PTPN20: variants seen among roughly 807,000 people sequenced by gnomAD.
PTPN20 encodes the protein protein tyrosine phosphatase non-receptor type 20.
Under a neutral mutation model 35.0 loss-of-function variants are expected in PTPN20, and 9 were observed. The ratio of observed to expected loss-of-function variants is 0.26; its 90% CI spans 0.15 to 0.45. PTPN20 has a LOEUF of 0.45. PTPN20 is among the 20% of genes least tolerant of loss of function. The pLI, the probability that PTPN20 is intolerant of heterozygous loss-of-function variation, is 1.00. For missense variants in PTPN20, 111 were observed against 312.5 expected, an observed-to-expected ratio of 0.36 and a Z score of 4.86; for synonymous variants, 32 against 100.2, an observed-to-expected ratio of 0.32 and a Z score of 4.06.
chr10:46,939,434 G>A (rs1367774240), intron 2 of PTPN20, among the ~76,000 whole-genome samples: 241 of 127,500 alleles, frequency 1.9e-3, no homozygotes, highest in Middle Eastern at 3.7e-3. Flanking sequence ...GCCGAGAAGC[G>A]ATCCTTTTTC....
At chr10:46,933,427 CTG>C (rs1487116604) in intron 2 of PTPN20, among the ~76,000 whole-genome samples, 1 of 151,390 alleles carries the variant, frequency 6.6e-6, no homozygotes, top group African/African-American at 2.5e-5. Flanking sequence ...TCTTGTGTAA[CTG>C]TTACTTGATA....
At chr10:46,950,779 T>C (rs2046401529) in intron 5 of PTPN20, among the ~76,000 whole-genome samples, 2 of 152,060 alleles carry the variant, frequency 1.3e-5, no homozygotes. Flanking sequence ...ATAGTTTATC[T>C]AAGAATACAC....
At chr10:46,923,468 A>C (rs2036065977) in intron 1 of PTPN20, among the ~76,000 whole-genome samples, 1 of 143,970 alleles carries the variant, frequency 6.9e-6, no homozygotes, top group Admixed American at 6.8e-5. Flanking sequence ...TTGAAAAAGA[A>C]TATTCTTTCT....
chr10:46,952,746 A>C (rs1414475619), intron 5 of PTPN20, among the ~76,000 whole-genome samples: 3 of 151,778 alleles, frequency 2.0e-5, no homozygotes, highest in African/African-American at 7.3e-5. Flanking sequence ...CTGTTTACTT[A>C]ATCACCTTGA....
intron 1 of PTPN20, among the ~76,000 whole-genome samples, chr10:46,929,551 A>T (rs1355255697): frequency 0.054 from 8,111 of 150,278 alleles, 163 homozygotes; most frequent in African/African-American, 0.067. Context: ...TGATACATAC[A>T]CATTCTTTAT....
intron 9 of PTPN20, among the ~76,000 whole-genome samples, chr10:46,992,073 G>A (rs1301107581): frequency 6.7e-6 from 1 of 149,452 alleles, no homozygotes; most frequent in African/African-American, 2.5e-5. Flanking sequence ...TCATAGGTTT[G>A]GTCTCTTTAC....
At chr10:46,999,128 T>G (rs2138135415) in intron 9 of PTPN20, among the ~76,000 whole-genome samples, 1 of 152,278 alleles carries the variant, frequency 6.6e-6, no homozygotes, top group South Asian at 2.1e-4. Context: ...AAGGGTTAAT[T>G]AAAAATTTTA....
intron 9 of PTPN20, among the ~76,000 whole-genome samples, chr10:46,996,834 G>A (rs1395433526): frequency 6.6e-6 from 1 of 152,124 alleles, no homozygotes; most frequent in South Asian, 2.1e-4. Flanking sequence ...CTATTGATTA[G>A]TGTGTCTATC....
chr10:46,972,385 A>C (rs1447498015), intron 7 of PTPN20, among the ~76,000 whole-genome samples: 3 of 149,824 alleles, frequency 2.0e-5, no homozygotes, highest in African/African-American at 7.3e-5. Flanking sequence ...ATAATGAGAT[A>C]CCATTTTACA....
intron 1 of PTPN20, among the ~76,000 whole-genome samples, chr10:46,925,578 A>C (rs538227471): frequency 0.017 from 2,459 of 143,728 alleles, 44 homozygotes; most frequent in Middle Eastern, 0.026. Flanking sequence ...CCATTAAATG[A>C]TGAGAAAGCT....
At chr10:46,980,963 GGGTAGTGCACTT>G (rs1691614057) in intron 7 of PTPN20, among the ~76,000 whole-genome samples, 1 of 139,978 alleles carries the variant, frequency 7.1e-6, no homozygotes, top group Non-Finnish European at 1.6e-5. Flanking sequence ...GCAGAACATT[GGGTAGTGCACTT>G]GGTGCTTTTT....
At chr10:46,993,691 A>G (rs1366720315) in intron 9 of PTPN20, among the ~76,000 whole-genome samples, 2 of 152,198 alleles carry the variant, frequency 1.3e-5, no homozygotes, top group African/African-American at 4.8e-5. Context: ...CTCCATCCCC[A>G]CCACATTTCA....
chr10:46,937,452 T>G (rs1486168658), intron 2 of PTPN20, among the ~76,000 whole-genome samples: 1 of 152,176 alleles, frequency 6.6e-6, no homozygotes, highest in East Asian at 1.9e-4. Flanking sequence ...TATTATTTCT[T>G]CATATTTGTT....
At chr10:46,947,914 A>G in intron 5 of PTPN20, 1 of 448,530 alleles carries the variant, frequency 2.2e-6, no homozygotes. Context: ...TACTACAGAT[A>G]TTCACAAACT....
intron 7 of PTPN20, chr10:46,981,287 C>G (rs1401232520): frequency 2.1e-5 from 3 of 142,282 alleles, no homozygotes; most frequent in African/African-American, 8.0e-5. Context: ...TACCCCCAGT[C>G]ACCCCTGTCA....
Position 47,000,922 on chromosome 10 carries a change from G to C in PTPN20, c.*181G>C. The C allele has an allele frequency of 1.4e-6, 1 of 700,864 alleles. No homozygotes were observed. The highest frequency in any genetic ancestry group is 2.5e-6 in the Non-Finnish European group (1 of 396,562). The allele number at this position is 700,864 out of a possible 1,614,324, so 43.4% of individuals were successfully genotyped here. A position where few individuals can be genotyped will look rare whatever the true frequency, so the allele number is the denominator to read the frequency against. On this transcript the variant is annotated 3_prime_UTR_variant, in exon 11 of 11. Transcript: ENST00000374339. ...AATATCATTTGGCTTGGGGTGATCA[G>C]TGTTTACTTATTGATCTTGCTAGAC...
chr10:46,953,913 A>G (rs1245571146), intron 5 of PTPN20, among the ~76,000 whole-genome samples: 4 of 129,612 alleles, frequency 3.1e-5, no homozygotes, highest in Non-Finnish European at 4.7e-5. Context: ...TATCAGAGCA[A>G]TGCTTCCCTT....
At chr10:46,953,778 A>T (rs1372904273) in intron 5 of PTPN20, among the ~76,000 whole-genome samples, 1 of 148,254 alleles carries the variant, frequency 6.7e-6, no homozygotes, top group African/African-American at 2.6e-5. Context: ...TGATGGTGTA[A>T]TATTGTTTTT....
At chr10:46,954,720 C>G (rs1197427614) in intron 5 of PTPN20, among the ~76,000 whole-genome samples, 3 of 150,240 alleles carry the variant, frequency 2.0e-5, no homozygotes, top group African/African-American at 7.5e-5. Context: ...CTTACTTTCT[C>G]ATTGATTTCA....
Sources: allele counts gnomAD v4.1 joint callset (sites outside exome capture counted in the v4.1 genomes callset), GRCh38; gene constraint gnomAD v4.1.1; transcripts MANE v1.5; gene names NCBI Gene and HGNC (gene_info 2026-07-23, HGNC 2026-07-21).